Variants in CIITA observed in about 807,000 individuals in gnomAD.
CIITA encodes the protein class II major histocompatibility complex transactivator, also known as MHC class II transactivator.
CIITA carries 72 observed loss-of-function variants against 115.1 expected under a neutral mutation model. That is an observed-to-expected ratio of 0.63 (90% CI 0.52 to 0.76). The LOEUF (loss-of-function observed/expected upper bound fraction) is 0.76. CIITA is among the 30% of genes least tolerant of loss of function. The pLI is 0.00. For synonymous variants in CIITA, 763 were observed against 635.6 expected (o/e 1.20, Z -3.02); for missense variants, 1,617 against 1,463.8 (o/e 1.10, Z -1.71).
intron 14 of CIITA, 74 bp downstream of exon 14, chr16:10,915,724 C>T (rs1262339068): frequency 2.2e-6 from 3 of 1,350,022 alleles, no homozygotes; most frequent in South Asian, 2.3e-5. Context: ...ACTGCAGCCT[C>T]GAATTCCTGG....
In CIITA at chr16:10,877,465, G is replaced by A. The variant is rs543432862; in HGVS notation, c.52+83G>A. 6.2e-5 allele frequency: 87 copies of A among 1,404,008 alleles called. No individual in the cohort carries two copies. In the South Asian group the frequency reaches 1.0e-3, roughly 17 times the overall value. The allele number at this position is 1,404,008 out of a possible 1,614,324, so 87.0% of individuals were successfully genotyped here. ...TCCAGATAAACAGAGAAACCATTCTGAATTGGGGATGGGGGTGAGGATGGG... is the reference window on the plus strand; with the variant it reads ...TCCAGATAAACAGAGAAACCATTCTAAATTGGGGATGGGGGTGAGGATGGG... On this transcript the variant is annotated intron_variant, in intron 1 of 19. Transcript: ENST00000324288.
At position 10,926,414 on chromosome 16, in the gene CIITA, A is replaced by G. The variant is rs2040533070; in HGVS notation, c.*2559A>G. On this transcript the variant is annotated 3_prime_UTR_variant, in exon 20 of 20. Coordinates refer to ENST00000324288, the MANE Select transcript of CIITA (RefSeq NM_000246.4). ...GTGAGCACTAAGGTGTGCTCTGATC[A>G]TCCACTGTGCCATGTGCCAGGTTTT... is the stretch of plus-strand genomic sequence containing the variant. The G allele has an allele frequency of 6.6e-6, 1 of 152,252 alleles. No individual in the cohort carries two copies. Among genetic ancestry groups the G allele is most frequent in the African/African-American group, 2.4e-5 (1 of 41,462 alleles). 9.4% of individuals were successfully genotyped at this position (152,252 alleles called of 1,614,324 possible).
intron 1 of CIITA, among the ~76,000 whole-genome samples, chr16:10,887,746 C>T (rs769395152): frequency 2.0e-5 from 3 of 152,114 alleles, no homozygotes; most frequent in Non-Finnish European, 4.4e-5. Flanking sequence ...CCGCCAGCCT[C>T]GGCCTCTCAA....
intron 10 of CIITA, among the ~76,000 whole-genome samples, chr16:10,905,152 G>T (rs1407671867): frequency 6.6e-6 from 1 of 152,090 alleles, no homozygotes; most frequent in Non-Finnish European, 1.5e-5. Flanking sequence ...ATGGAAAGTG[G>T]GAATAAACCA....
intron 1 of CIITA, among the ~76,000 whole-genome samples, chr16:10,890,417 G>C (rs964931402): frequency 1.3e-5 from 2 of 152,096 alleles, no homozygotes; most frequent in African/African-American, 4.8e-5. Context: ...CTCCTGAGTA[G>C]CTGGTTCTAC....
chr16:10,892,429 C>G (rs1429552998), intron 1 of CIITA, among the ~76,000 whole-genome samples: 2 of 152,164 alleles, frequency 1.3e-5, no homozygotes, highest in African/African-American at 4.8e-5. Context: ...GGGCCCAGAA[C>G]AGGGCAGTAG....
At position 10,908,079 on chromosome 16, in the gene CIITA, C is replaced by T. The variant is rs146847126; in HGVS notation, c.2587C>T (p.Leu863Phe). Residue 863 changes from leucine (L) to phenylalanine (F), a missense_variant, in exon 11 of 20, where the codon CTC becomes TTC. Physicochemically the swap from Leu to Phe is conservative, Grantham distance 22. Transcript: ENST00000324288. ...GGCGGGCCAAGACTTCTCCCTGGAC[C>T]TCCGCAGCACTGGCATTTGCCCCTC... The part of the protein sequence containing the change: ...EAAGQDFSLD[L>F]RSTGICPSGL... 5.6e-6 allele frequency: 9 copies of T among 1,609,936 alleles called. No homozygotes were observed. The highest frequency in any genetic ancestry group is 5.3e-5 in the African/African-American group (4 of 74,872).
At chr16:10,891,068 A>C (rs932225948) in intron 1 of CIITA, among the ~76,000 whole-genome samples, 5 of 152,152 alleles carry the variant, frequency 3.3e-5, no homozygotes, top group African/African-American at 7.2e-5. Context: ...ACCACACAGC[A>C]GTGTCATCCA....
intron 1 of CIITA, among the ~76,000 whole-genome samples, chr16:10,881,480 G>C (rs775701366): frequency 8.5e-5 from 13 of 152,174 alleles, no homozygotes; most frequent in Non-Finnish European, 1.8e-4. Context: ...CAAGGACAAA[G>C]TCTCTGATTT....
intron 16 of CIITA, 135 bp downstream of exon 16, chr16:10,918,661 G>A (rs764436250): frequency 8.3e-6 from 6 of 724,156 alleles, no homozygotes; most frequent in South Asian, 6.9e-5. Context: ...AAGGATTAGC[G>A]GGACGTGGTG....
In CIITA at chr16:10,903,763, C is replaced by T. The variant is rs2038946097; in HGVS notation, c.805C>T (p.Pro269Ser). ...GCCCCAGGCCAGCCAAGTACCCCCTCCCAGTGGATTCACTGTCCACGGCCT... is the reference window on the plus strand; with the variant it reads ...GCCCCAGGCCAGCCAAGTACCCCCTTCCAGTGGATTCACTGTCCACGGCCT... ...EVPQASQVPP[P>S]SGFTVHGLPT... The change falls in exon 9 of 20, where the codon CCC becomes TCC. Residue 269 changes from proline (P) to serine (S), a missense_variant. Pro to Ser is a moderately conservative substitution (Grantham distance 74, BLOSUM62 -1). Coordinates refer to ENST00000324288, the MANE Select transcript of CIITA (RefSeq NM_000246.4). The T allele has an allele frequency of 6.2e-7, 1 of 1,614,190 alleles. No individual in the cohort carries two copies. Among genetic ancestry groups the T allele is most frequent in the Non-Finnish European group, 8.5e-7 (1 of 1,180,038 alleles).
chr16:10,870,800 G>A (rs143322451), intron 1 of CIITA, among the ~76,000 whole-genome samples: 190 of 152,356 alleles, frequency 1.2e-3, no homozygotes, highest in South Asian at 2.9e-3. Context: ...CCAAGGCAGT[G>A]CTTGGCATTA....
chr16:10,885,373 C>A (rs1337569268), intron 1 of CIITA, among the ~76,000 whole-genome samples: 1 of 152,140 alleles, frequency 6.6e-6, no homozygotes, highest in African/African-American at 2.4e-5. Context: ...CATGCACGCA[C>A]GTCTTCTAGT....
intron 5 of CIITA, among the ~76,000 whole-genome samples, chr16:10,899,986 C>T (rs2038549150): frequency 1.3e-5 from 2 of 152,036 alleles, no homozygotes; most frequent in East Asian, 1.9e-4. Flanking sequence ...GAGGCTGAGG[C>T]AGGAGAATCG....
At position 10,930,211 on chromosome 16, in the gene CIITA, C is replaced by T. The variant is rs2040723940; in HGVS notation, c.*6356C>T. 6.6e-6 allele frequency: 1 copy of T among 152,338 alleles called. No homozygotes were observed. The highest frequency in any genetic ancestry group is 2.4e-5 in the African/African-American group (1 of 41,456). The allele number at this position is 152,338 out of a possible 1,614,324, so 9.4% of individuals were successfully genotyped here. The stretch of plus-strand genomic sequence containing the variant: ...GCCCCCTCAAGCCCTGCTCTGATTC[C>T]AAGCCTCATCTCCCAGCTCACTATC... On this transcript the variant is annotated 3_prime_UTR_variant, in exon 20 of 20. Coordinates refer to ENST00000324288, the MANE Select transcript of CIITA (RefSeq NM_000246.4).
At chr16:10,883,333 C>G (rs1462247604) in intron 1 of CIITA, among the ~76,000 whole-genome samples, 1 of 152,172 alleles carries the variant, frequency 6.6e-6, no homozygotes, top group East Asian at 1.9e-4. Context: ...CTGGGACAGA[C>G]CAGGCAAGCG....
intron 1 of CIITA, chr16:10,888,372 A>G (rs2037172349): frequency 6.6e-6 from 1 of 152,220 alleles, no homozygotes; most frequent in African/African-American, 2.4e-5. Flanking sequence ...ATTTCACCCC[A>G]AAGCTCACCA....
At position 10,934,294 on chromosome 16, in the gene CIITA, A is replaced by G. The variant is rs934628807; in HGVS notation, c.*10439A>G. On this transcript the variant is annotated 3_prime_UTR_variant, in exon 20 of 20. Transcript: ENST00000324288. This position sits in a 1 kb window ranked among gnomAD's most constrained non-coding sequence, Gnocchi z 4.2. ...CTCCAATTTTTTAATAAGATCATTT[A>G]TGTCACCATATAACACCCAAAGCAG... is the stretch of plus-strand genomic sequence containing the variant. The G allele has an allele frequency of 1.3e-5, 2 of 152,252 alleles. No individual in the cohort carries two copies. The highest frequency in any genetic ancestry group is 2.9e-5 in the Non-Finnish European group (2 of 68,042). 9.4% of individuals were successfully genotyped at this position (152,252 alleles called of 1,614,324 possible).
At chr16:10,877,415 G>A (rs760034759) in intron 1 of CIITA, 33 bp downstream of exon 1, 68 of 1,601,480 alleles carry the variant, frequency 4.2e-5, no homozygotes, top group Non-Finnish European at 5.3e-5. Context: ...TTAATTTAGC[G>A]TGCAGTCTCA....
Sources: gnomAD v4.1 joint callset for allele counts (sites outside exome capture counted in the v4.1 genomes callset) on GRCh38, gnomAD v4.1.1 for gene constraint, Gnocchi (gnomAD v3.1) non-coding constraint, MANE v1.5 for transcripts, NCBI Gene and HGNC (gene_info 2026-07-23, HGNC 2026-07-21) for gene names.